CRISP1: variants seen among roughly 807,000 people sequenced by gnomAD.
The protein encoded by CRISP1 is cysteine-rich secretory protein 1.
Under a neutral mutation model 33.1 loss-of-function variants are expected in CRISP1, and 44 were observed. That is an observed-to-expected ratio of 1.33 (90% CI 1.05 to 1.71). The LOEUF is 1.71. Ranked by LOEUF, CRISP1 falls within the 40% of genes most tolerant of loss-of-function variation. The pLI, the probability that CRISP1 is intolerant of heterozygous loss-of-function variation, is 0.00. For synonymous variants in CRISP1, 103 were observed against 98.7 expected (o/e 1.04, Z -0.26); for missense variants, 390 against 301.2 (o/e 1.29, Z -2.18).
At chr6:49,875,844 A>G (rs1772023216) in intron 1 of CRISP1, among the ~76,000 whole-genome samples, 1 of 152,144 alleles carries the variant, frequency 6.6e-6, no homozygotes, top group South Asian at 2.1e-4. Context: ...GGCTAGCCAT[A>G]TGCAGGAAAT....
chr6:49,848,580 A>T (rs1053314607), intron 3 of CRISP1, among the ~76,000 whole-genome samples: 14 of 152,128 alleles, frequency 9.2e-5, no homozygotes, highest in African/African-American at 3.4e-4. Context: ...CTTCCAGGGA[A>T]ACAGACCAGA....
intron 1 of CRISP1, among the ~76,000 whole-genome samples, chr6:49,863,911 G>C (rs765000058): frequency 6.6e-6 from 1 of 152,170 alleles, no homozygotes; most frequent in Non-Finnish European, 1.5e-5. Flanking sequence ...AAAAGTTACT[G>C]AGGTATAACT....
rs1770745585 is a variant in CRISP1 at position 49,835,179 on chromosome 6, G to T, written c.*137C>A. The T allele has an allele frequency of 1.1e-6, 1 of 870,006 alleles. No individual in the cohort carries two copies. 53.9% of individuals were successfully genotyped at this position (870,006 alleles called of 1,614,324 possible). On this transcript the variant is annotated 3_prime_UTR_variant, in exon 8 of 8. Coordinates refer to ENST00000335847, the MANE Select transcript of CRISP1 (RefSeq NM_001131.3). Reference sequence around the variant, plus strand: ...ACAGTGTTACTTCAGGATGTATCAGGATGGGAGTTAAGGTCTCCAGCATGA... The same window carrying T: ...ACAGTGTTACTTCAGGATGTATCAGTATGGGAGTTAAGGTCTCCAGCATGA...
At chr6:49,836,107 C>A (rs1428437370) in intron 7 of CRISP1, among the ~76,000 whole-genome samples, 2 of 152,152 alleles carry the variant, frequency 1.3e-5, no homozygotes, top group Non-Finnish European at 2.9e-5. Context: ...GACCTGAATT[C>A]TCTATCACAA....
At chr6:49,871,288 C>T (rs946892596), upstream of CRISP1, among the ~76,000 whole-genome samples, 3 of 152,038 alleles carry the variant, frequency 2.0e-5, no homozygotes, top group African/African-American at 7.2e-5. Context: ...AATTGCCCTA[C>T]TGGAACAGAG....
At chr6:49,876,497 G>T (rs892466361) in intron 1 of CRISP1, among the ~76,000 whole-genome samples, 1 of 151,816 alleles carries the variant, frequency 6.6e-6, no homozygotes, top group Non-Finnish European at 1.5e-5. Context: ...AAGATCTAGA[G>T]GCAGAAATAC....
At chr6:49,865,048 A>C (rs1177645061) in intron 1 of CRISP1, among the ~76,000 whole-genome samples, 1 of 152,168 alleles carries the variant, frequency 6.6e-6, no homozygotes, top group Non-Finnish European at 1.5e-5. Context: ...ACATTGAAAA[A>C]ATATTGGAGA....
chr6:49,867,210 C>G (rs1245798413), upstream of CRISP1, among the ~76,000 whole-genome samples: 2 of 151,920 alleles, frequency 1.3e-5, no homozygotes, highest in East Asian at 1.9e-4. Flanking sequence ...ACACTTAGAA[C>G]AAAGAAAGAA....
intron 2 of CRISP1, among the ~76,000 whole-genome samples, chr6:49,856,320 G>T (rs987757301): frequency 6.6e-5 from 10 of 152,150 alleles, no homozygotes; most frequent in Non-Finnish European, 1.2e-4. Context: ...TGGAATGGTG[G>T]CTATACTTCA....
intron 1 of CRISP1, among the ~76,000 whole-genome samples, chr6:49,875,454 G>A (rs1040160511): frequency 3.9e-5 from 6 of 152,060 alleles, no homozygotes; most frequent in Non-Finnish European, 8.8e-5. Context: ...AATCGATATT[G>A]TGAAAATGGA....
chr6:49,848,642 T>C (rs1022926295), intron 3 of CRISP1, among the ~76,000 whole-genome samples: 5 of 152,152 alleles, frequency 3.3e-5, no homozygotes, highest in Admixed American at 3.3e-4. Flanking sequence ...ATTTTATCTC[T>C]TTGAATCTCA....
chr6:49,866,906 T>C (rs1195901929), upstream of CRISP1, among the ~76,000 whole-genome samples: 2 of 152,138 alleles, frequency 1.3e-5, no homozygotes, highest in African/African-American at 2.4e-5. Context: ...TGAGGATACA[T>C]AGAATCACCA....
At chr6:49,840,439 C>T (rs1770946788) in intron 6 of CRISP1, among the ~76,000 whole-genome samples, 1 of 152,150 alleles carries the variant, frequency 6.6e-6, no homozygotes, top group African/African-American at 2.4e-5. Context: ...AGACACTTGG[C>T]TCTTTCTATT....
chr6:49,847,143 G>T (rs1015540010), intron 4 of CRISP1, among the ~76,000 whole-genome samples: 2 of 152,090 alleles, frequency 1.3e-5, no homozygotes, highest in Admixed American at 6.6e-5. Flanking sequence ...GAACCACTTT[G>T]CTAATTCACT....
intron 5 of CRISP1, among the ~76,000 whole-genome samples, chr6:49,842,291 C>A (rs1771017669): frequency 6.6e-6 from 1 of 152,118 alleles, no homozygotes. Flanking sequence ...AACTCAGAAT[C>A]TAATGGAGCA....
intron 1 of CRISP1, among the ~76,000 whole-genome samples, chr6:49,862,891 G>C (rs1214725816): frequency 6.6e-6 from 1 of 151,640 alleles, no homozygotes; most frequent in Non-Finnish European, 1.5e-5. Flanking sequence ...TGGGGTGACT[G>C]AGTCAAAATA....
rs947209869 is a variant in CRISP1 at position 49,843,481 on chromosome 6, G to A, written c.436-2486C>T. ...ACCAATGGGCACATGTGAGAACATA[G>A]TGAAAGGAAGCAGTCTTTAAGCCAG... On this transcript the variant is annotated intron_variant, in intron 5 of 7. Coordinates refer to ENST00000335847, the MANE Select transcript of CRISP1 (RefSeq NM_001131.3). 4.6e-5 allele frequency among the ~76,000 whole-genome samples: 7 copies of A among 152,172 alleles called. 1 individual carries two copies.
At chr6:49,841,585 G>A (rs920745981) in intron 5 of CRISP1, among the ~76,000 whole-genome samples, 2 of 152,084 alleles carry the variant, frequency 1.3e-5, no homozygotes, top group Admixed American at 6.6e-5. Context: ...TGTCATCAAC[G>A]CTGGCTCATT....
chr6:49,858,076 A>T (rs1462849664), intron 1 of CRISP1, among the ~76,000 whole-genome samples: 1 of 152,170 alleles, frequency 6.6e-6, no homozygotes, highest in Admixed American at 6.5e-5. Context: ...TAATATAAGA[A>T]CACAGAAAGA....
Sources: allele counts gnomAD v4.1 joint callset (sites outside exome capture counted in the v4.1 genomes callset), GRCh38; gene constraint gnomAD v4.1.1; transcripts MANE v1.5; gene names NCBI Gene and HGNC (gene_info 2026-07-23, HGNC 2026-07-21).